Variants in OPHN1 observed in about 807,000 individuals in gnomAD.
OPHN1 encodes oligophrenin 1, also known as oligophrenin-1.
Under a neutral mutation model 60.7 loss-of-function variants are expected in OPHN1, and 11 were observed. The observed-to-expected ratio is 0.18, with a 90% confidence interval of 0.11 to 0.30. OPHN1 has a LOEUF of 0.30. OPHN1 is among the 10% of genes least tolerant of loss of function. The probability of loss-of-function intolerance (pLI) is 1.00; values close to 1 mark genes in which losing one functional copy is unlikely to be tolerated. For missense variants in OPHN1, 449 were observed against 611.0 expected (o/e 0.73, Z 2.80); for synonymous variants, 226 against 222.6 (o/e 1.02, Z -0.14).
At chrX:68,399,982 G>A (rs1022915511) in intron 2 of OPHN1, among the ~76,000 whole-genome samples, 2 of 110,223 alleles carry the variant, frequency 1.8e-5, no homozygotes, top group Non-Finnish European at 3.8e-5. Context: ...CTGATTGGTT[G>A]CTTTCTGTAA....
rs146203218 is a variant in OPHN1, at chrX:68,289,679, C to T, written c.251-6562G>A. Among the ~76,000 whole-genome samples the T allele has an allele frequency of 7.1e-3, 793 of 111,732 alleles. 4 individuals are homozygous for T. The highest frequency in any genetic ancestry group is 0.025 in the African/African-American group (769 of 30,713). On this transcript the variant is annotated intron_variant, in intron 3 of 24. Transcript: ENST00000355520. ...GAGCCATCTCTACAAAAGTGAGACCCCCCATCTCTACAAAAAACAAACAAA... is the reference window on the plus strand; with the variant it reads ...GAGCCATCTCTACAAAAGTGAGACCTCCCATCTCTACAAAAAACAAACAAA...
At chrX:68,403,391 C>T (rs989621991) in intron 2 of OPHN1, among the ~76,000 whole-genome samples, 1 of 111,838 alleles carries the variant, frequency 8.9e-6, no homozygotes, top group African/African-American at 3.3e-5. Context: ...AGACACAACT[C>T]CTGGCAGGAA....
chrX:68,062,667 CAAAT>C (rs1329585941), intron 21 of OPHN1, among the ~76,000 whole-genome samples: 4 of 111,881 alleles, frequency 3.6e-5, no homozygotes, highest in African/African-American at 1.3e-4. Flanking sequence ...AAATATTTGT[CAAAT>C]AAATTATTCT....
chrX:68,307,545 G>T (rs1387315100), intron 2 of OPHN1, among the ~76,000 whole-genome samples: 1 of 110,427 alleles, frequency 9.1e-6, no homozygotes, highest in African/African-American at 3.3e-5. Context: ...CATAAAAGCT[G>T]CATAAGGATA....
chrX:68,402,057 T>C (rs2078717097), intron 2 of OPHN1, among the ~76,000 whole-genome samples: 1 of 111,456 alleles, frequency 9.0e-6, no homozygotes, highest in Non-Finnish European at 1.9e-5. Flanking sequence ...AAACAGTTCA[T>C]CTGGAATCAG....
At position 68,421,977 on chromosome X, in the gene OPHN1, C is replaced by T. The variant is rs1020330790; in HGVS notation, c.154+10890G>A. Among the ~76,000 whole-genome samples the T allele has an allele frequency of 2.0e-4, 22 of 110,850 alleles. No individual in the cohort carries two copies. The Admixed American group carries it at 2.0e-3, about 10-fold the overall frequency. ...ACTGCTCAACCAGCTGGTGTAGGCTCTTGGGGCAGAAAACAAAGAGGACAG... is the reference window on the plus strand; with the variant it reads ...ACTGCTCAACCAGCTGGTGTAGGCTTTTGGGGCAGAAAACAAAGAGGACAG... On this transcript the variant is annotated intron_variant, in intron 2 of 24. Transcript: ENST00000355520.
chrX:68,046,236 G>T lies in OPHN1; in HGVS notation c.*936C>A, dbSNP rs2076831947. On this transcript the variant is annotated 3_prime_UTR_variant, in exon 25 of 25. Transcript: ENST00000355520. ...GAACTGCTTTTTTCAGGAGATAAAA[G>T]AGTTTATGTGCAGAAGGCAAACATG... is the stretch of plus-strand genomic sequence containing the variant. 1 of 111,962 alleles carries T rather than the reference G, an allele frequency of 8.9e-6. No homozygotes were observed. The highest frequency in any genetic ancestry group is 9.5e-5 in the Admixed American group (1 of 10,563). 9.2% of individuals were successfully genotyped at this position (111,962 alleles called of 1,213,427 possible). A position where few individuals can be genotyped will look rare whatever the true frequency, so the allele number is the denominator to read the frequency against.
At chrX:68,289,534 G>T (rs574149461) in intron 3 of OPHN1, among the ~76,000 whole-genome samples, 3 of 111,801 alleles carry the variant, frequency 2.7e-5, no homozygotes, top group Non-Finnish European at 5.6e-5. Context: ...TTGTAAATTC[G>T]TATCTGGGAA....
chrX:68,342,908 T>TCTAA (rs1023069468), intron 2 of OPHN1, among the ~76,000 whole-genome samples: 14 of 110,553 alleles, frequency 1.3e-4, no homozygotes, highest in Non-Finnish European at 2.6e-4. Context: ...GTCAATGCAC[T>TCTAA]CTAACTTGGG....
chrX:68,118,749 T>C (rs1279452169), intron 16 of OPHN1, among the ~76,000 whole-genome samples: 1 of 112,301 alleles, frequency 8.9e-6, no homozygotes, highest in African/African-American at 3.2e-5. Context: ...GACAGTTCAT[T>C]TAGCTCCAAT....
At chrX:68,053,942 C>A in intron 21 of OPHN1, 132 bp from the exon 22 acceptor site, 1 of 575,949 alleles carries the variant, frequency 1.7e-6, no homozygotes, top group Non-Finnish European at 2.6e-6. Context: ...ACTAACAACT[C>A]TGGCTATTTT....
chrX:68,133,727 G>A (rs2077207735), intron 15 of OPHN1, among the ~76,000 whole-genome samples: 1 of 111,785 alleles, frequency 8.9e-6, no homozygotes, highest in Non-Finnish European at 1.9e-5. Context: ...TGCCTTCAGT[G>A]GCACTCAACA....
chrX:68,359,504 T>C (rs756822235), intron 2 of OPHN1, among the ~76,000 whole-genome samples: 1 of 110,941 alleles, frequency 9.0e-6, no homozygotes, highest in African/African-American at 3.3e-5. Context: ...AGAAATAACA[T>C]ATCCATCCCA....
chrX:68,128,302 G>A (rs1363440811), intron 15 of OPHN1, among the ~76,000 whole-genome samples: 3 of 110,964 alleles, frequency 2.7e-5, no homozygotes, highest in African/African-American at 9.8e-5. Context: ...CGATCCTCTC[G>A]CATTGGCTTC....
At chrX:68,102,936 C>T (rs1306501863) in intron 18 of OPHN1, among the ~76,000 whole-genome samples, 1 of 111,757 alleles carries the variant, frequency 8.9e-6, no homozygotes, top group Non-Finnish European at 1.9e-5. Context: ...CAGCCAAGTT[C>T]TACCAGAGGT....
At chrX:68,073,069 G>T in intron 20 of OPHN1, 83 bp downstream of exon 20, 1 of 1,045,328 alleles carries the variant, frequency 9.6e-7, no homozygotes, top group South Asian at 2.0e-5. Flanking sequence ...AGAGAAAAAT[G>T]GTCATGCCAC....
chrX:68,128,714 G>A (rs1569220215), intron 15 of OPHN1, among the ~76,000 whole-genome samples: 1 of 112,147 alleles, frequency 8.9e-6, no homozygotes, highest in Non-Finnish European at 1.9e-5. Flanking sequence ...TTTCTGGAAT[G>A]TGATAAAATA....
At chrX:68,377,341 C>A (rs1422842499) in intron 2 of OPHN1, among the ~76,000 whole-genome samples, 1 of 109,386 alleles carries the variant, frequency 9.1e-6, no homozygotes. Context: ...CGTGATCCGC[C>A]CACCTCAGCC....
At chrX:68,110,725 A>G (rs1010363624) in intron 18 of OPHN1, among the ~76,000 whole-genome samples, 1 of 112,570 alleles carries the variant, frequency 8.9e-6, no homozygotes, top group Non-Finnish European at 1.9e-5. Flanking sequence ...AATGTTCTCT[A>G]TTAGCTCAAA....
Sources: allele counts gnomAD v4.1 joint callset (sites outside exome capture counted in the v4.1 genomes callset), GRCh38; gene constraint gnomAD v4.1.1; transcripts MANE v1.5; gene names NCBI Gene and HGNC (gene_info 2026-07-23, HGNC 2026-07-21).